The following RIMS2 variants were observed in gnomAD, a reference collection of about 807,000 sequenced individuals.
RIMS2 encodes the protein regulating synaptic membrane exocytosis 2.
RIMS2 carries 59 observed loss-of-function variants against 174.4 expected under a neutral mutation model. That is an observed-to-expected ratio of 0.34 (90% confidence interval 0.27 to 0.42). The LOEUF is 0.42. Ranked by LOEUF, RIMS2 falls within the 10% of genes least tolerant of loss-of-function variation. The probability of loss-of-function intolerance (pLI) is 1.00; values close to 1 mark genes in which losing one functional copy is unlikely to be tolerated. For synonymous variants in RIMS2, 606 were observed against 572.5 expected (o/e 1.06, Z -0.84); for missense variants, 1,620 against 1,666.3 (o/e 0.97, Z 0.48).
chr8:104,127,301 C>T (rs1480102748), intron 19 of RIMS2, among the ~76,000 whole-genome samples: 2 of 152,014 alleles, frequency 1.3e-5, no homozygotes, highest in Non-Finnish European at 2.9e-5. Context: ...CAGAAGTGAC[C>T]TAAGGATTCA....
At chr8:104,245,473 A>G (rs1041470870) in intron 20 of RIMS2, among the ~76,000 whole-genome samples, 1 of 152,230 alleles carries the variant, frequency 6.6e-6, no homozygotes, top group Non-Finnish European at 1.5e-5. Flanking sequence ...ACTTAGTTCC[A>G]TGTTGCAACA....
exon 8 of RIMS2, chr8:103,916,459 C>T: frequency 6.2e-7 from 1 of 1,609,788 alleles, no homozygotes; most frequent in Non-Finnish European, 8.5e-7. Context: ...CAAGGAGCCA[C>T]ATTTGAGGAA....
chr8:104,246,928 T>C (rs56653540), intron 20 of RIMS2, among the ~76,000 whole-genome samples: 18 of 152,078 alleles, frequency 1.2e-4, no homozygotes, highest in African/African-American at 4.1e-4. Context: ...GATGAGAAGA[T>C]GTTGGATGGT....
At chr8:104,139,384 C>A (rs572382595) in intron 19 of RIMS2, among the ~76,000 whole-genome samples, 3 of 152,078 alleles carry the variant, frequency 2.0e-5, no homozygotes. Flanking sequence ...ATTGATTCTT[C>A]CAGTCCATGA....
intron 3 of RIMS2, among the ~76,000 whole-genome samples, chr8:103,881,192 A>G (rs1024786472): frequency 1.3e-5 from 2 of 151,562 alleles, no homozygotes; most frequent in Non-Finnish European, 3.0e-5. Flanking sequence ...CAAATTTTGC[A>G]CTGTATGTCC....
intron 1 of RIMS2, among the ~76,000 whole-genome samples, chr8:103,525,713 A>G (rs543191738): frequency 6.6e-6 from 1 of 152,346 alleles, no homozygotes; most frequent in Admixed American, 6.5e-5. Flanking sequence ...GCTCAAAACC[A>G]TACCTGAAAG....
At chr8:103,668,068 G>C (rs1029519452) in intron 1 of RIMS2, among the ~76,000 whole-genome samples, 5 of 152,120 alleles carry the variant, frequency 3.3e-5, no homozygotes, top group Admixed American at 2.0e-4. Flanking sequence ...ATTAAAGCCT[G>C]GTAGAATTTA....
chr8:103,945,275 TAAGTA>T (rs2083449016), intron 14 of RIMS2, among the ~76,000 whole-genome samples: 1 of 152,044 alleles, frequency 6.6e-6, no homozygotes, highest in African/African-American at 2.4e-5. Flanking sequence ...AAACCTGTAA[TAAGTA>T]AAGAAGTTGA....
At chr8:104,029,097 C>T (rs1192583214) in intron 19 of RIMS2, among the ~76,000 whole-genome samples, 2 of 152,142 alleles carry the variant, frequency 1.3e-5, no homozygotes, top group East Asian at 1.9e-4. Context: ...ATTGCCATGC[C>T]ATTTGTAAAC....
intron 1 of RIMS2, among the ~76,000 whole-genome samples, chr8:103,623,221 G>C (rs1422470119): frequency 6.6e-6 from 1 of 152,156 alleles, no homozygotes; most frequent in Non-Finnish European, 1.5e-5. Context: ...TTCATACCTA[G>C]TAAGTTATTT....
At chr8:103,878,242 A>G (rs1594397580) in intron 3 of RIMS2, among the ~76,000 whole-genome samples, 1 of 151,980 alleles carries the variant, frequency 6.6e-6, no homozygotes, top group South Asian at 2.1e-4. Flanking sequence ...CAGAACTGTG[A>G]GTCAATTAAG....
chr8:104,186,701 G>A (rs2098969741), intron 19 of RIMS2, among the ~76,000 whole-genome samples: 2 of 151,788 alleles, frequency 1.3e-5, no homozygotes, highest in Middle Eastern at 3.4e-3. Flanking sequence ...TGTCCTTTTA[G>A]GCCTCACCTA....
intron 16 of RIMS2, among the ~76,000 whole-genome samples, chr8:103,980,671 T>C (rs2093821990): frequency 6.6e-6 from 1 of 152,176 alleles, no homozygotes; most frequent in African/African-American, 2.4e-5. Context: ...TTTCAGTACC[T>C]GCCCTGGCCC....
intron 1 of RIMS2, among the ~76,000 whole-genome samples, chr8:103,607,940 G>A (rs1309940284): frequency 7.0e-6 from 1 of 142,454 alleles, no homozygotes; most frequent in East Asian, 2.0e-4. Context: ...TTTGCCTTTG[G>A]TCTGAATGTC....
At chr8:103,644,378 C>CT (rs36063436) in intron 1 of RIMS2, among the ~76,000 whole-genome samples, 27,635 of 151,792 alleles carry the variant, frequency 0.18, 2,764 homozygotes, top group African/African-American at 0.26. Context: ...TTCAGTTCAG[C>CT]TTTTTTTCTC....
At chr8:103,918,385 G>A (rs1472691932) in intron 8 of RIMS2, 56 bp from the exon 12 acceptor site, 3 of 1,080,010 alleles carry the variant, frequency 2.8e-6, no homozygotes, top group Admixed American at 4.5e-5. Context: ...AAAAATATGA[G>A]TTGCATTAAT....
intron 6 of RIMS2, among the ~76,000 whole-genome samples, chr8:103,912,970 G>GTTTTTTTTT (rs1272975359): frequency 1.7e-5 from 2 of 114,904 alleles, no homozygotes; most frequent in African/African-American, 3.3e-5. Context: ...TTTTTTTGTT[G>GTTTTTTTTT]TTTTTTTTTT....
At chr8:103,951,765 C>T (rs957917729) in intron 14 of RIMS2, among the ~76,000 whole-genome samples, 1 of 152,228 alleles carries the variant, frequency 6.6e-6, no homozygotes, top group African/African-American at 2.4e-5. Context: ...CATTCACTCT[C>T]CTGGAAAGTG....
intron 15 of RIMS2, among the ~76,000 whole-genome samples, chr8:103,969,698 C>T (rs1331090757): frequency 6.6e-6 from 1 of 152,146 alleles, no homozygotes; most frequent in Non-Finnish European, 1.5e-5. Context: ...CTGATTCTGA[C>T]ACTTGCTCTT....
Sources: gnomAD v4.1 joint callset for allele counts (sites outside exome capture counted in the v4.1 genomes callset) on GRCh38, gnomAD v4.1.1 for gene constraint, MANE v1.5 for transcripts, NCBI Gene and HGNC (gene_info 2026-07-23, HGNC 2026-07-21) for gene names.